Variants in ZNF254 observed in about 807,000 individuals in gnomAD.
The protein encoded by ZNF254 is CTD-2017D11.1.
In ZNF254, 10 loss-of-function variants were observed where a neutral mutation model predicts 12.4. That is an observed-to-expected ratio of 0.80 (90% CI 0.50 to 1.36). ZNF254 has a LOEUF of 1.36. Ranked by LOEUF, ZNF254 falls within the 40% of genes most tolerant of loss-of-function variation. ZNF254 has a pLI of 0.00. For missense variants in ZNF254, 996 were observed against 763.9 expected (o/e 1.30, Z -3.58); for synonymous variants, 305 against 253.4 (o/e 1.20, Z -1.93).
chr19:24,048,430 G>A (rs879543357), intron 2 of ZNF254, among the ~76,000 whole-genome samples: 5 of 152,222 alleles, frequency 3.3e-5, no homozygotes, highest in Admixed American at 6.5e-5. Flanking sequence ...TCGGCCACAA[G>A]CGTAGGACTT....
intron 2 of ZNF254, among the ~76,000 whole-genome samples, chr19:24,068,614 C>T (rs559921158): frequency 3.9e-5 from 6 of 152,238 alleles, no homozygotes; most frequent in South Asian, 4.1e-4. Flanking sequence ...CTGCAGCCAT[C>T]TTATAGGATT....
intron 1 of ZNF254, among the ~76,000 whole-genome samples, chr19:24,093,571 C>T (rs1972514771): frequency 6.6e-6 from 1 of 152,078 alleles, no homozygotes; most frequent in Admixed American, 6.6e-5. Context: ...TCTATTGTCA[C>T]CTTTGTTAAA....
At chr19:24,122,557 C>T (rs571032123) in intron 3 of ZNF254, among the ~76,000 whole-genome samples, 7 of 152,072 alleles carry the variant, frequency 4.6e-5, no homozygotes, top group South Asian at 4.2e-4. Flanking sequence ...ACTTTGCAAA[C>T]GCCAGTCTGT....
intron 1 of ZNF254, among the ~76,000 whole-genome samples, chr19:24,037,314 T>G (rs1040450480): frequency 6.6e-6 from 1 of 152,226 alleles, no homozygotes; most frequent in Non-Finnish European, 1.5e-5. Flanking sequence ...ATTATAGCCC[T>G]AGACCTGGCT....
chr19:24,086,756 C>T (rs770137488), upstream of ZNF254, among the ~76,000 whole-genome samples: 3 of 152,148 alleles, frequency 2.0e-5, no homozygotes, highest in Admixed American at 2.0e-4. Context: ...GGATTACAGG[C>T]GTGAGCCACC....
At chr19:24,038,716 C>T (rs1970052525) in intron 1 of ZNF254, among the ~76,000 whole-genome samples, 1 of 152,094 alleles carries the variant, frequency 6.6e-6, no homozygotes, top group African/African-American at 2.4e-5. Context: ...TGCACACTGC[C>T]CTCAAAGTCT....
intron 2 of ZNF254, among the ~76,000 whole-genome samples, chr19:24,063,053 A>G (rs62114829): frequency 0.15 from 22,566 of 152,112 alleles, 1,935 homozygotes; most frequent in Middle Eastern, 0.23. Context: ...CACTTACCTC[A>G]GCCTCCCAAA....
intron 2 of ZNF254, among the ~76,000 whole-genome samples, chr19:24,076,361 G>A (rs932056234): frequency 5.3e-5 from 8 of 152,132 alleles, no homozygotes; most frequent in Non-Finnish European, 1.0e-4. Context: ...CAGTCCCTCC[G>A]TTTGGGGTCC....
At chr19:24,038,498 A>T (rs1568420185) in intron 1 of ZNF254, among the ~76,000 whole-genome samples, 1 of 151,496 alleles carries the variant, frequency 6.6e-6, no homozygotes, top group Non-Finnish European at 1.5e-5. Context: ...TTCTGTAATA[A>T]TTTTTTTTTC....
At chr19:24,097,444 T>C (rs1972739581) in intron 1 of ZNF254, among the ~76,000 whole-genome samples, 1 of 152,084 alleles carries the variant, frequency 6.6e-6, no homozygotes, top group African/African-American at 2.4e-5. Context: ...TTATCCATGG[T>C]GATCGTTTGC....
chr19:24,119,385 T>C (rs1599755593), intron 3 of ZNF254, among the ~76,000 whole-genome samples: 1 of 151,646 alleles, frequency 6.6e-6, no homozygotes, highest in East Asian at 1.9e-4. Context: ...AGAGAAGGGG[T>C]TTCACCATAT....
intron 1 of ZNF254, among the ~76,000 whole-genome samples, chr19:24,035,968 C>T (rs560130463): frequency 6.6e-6 from 1 of 152,292 alleles, no homozygotes; most frequent in South Asian, 2.1e-4. Flanking sequence ...CATGAGTTTT[C>T]CTTGCCCTGT....
At chr19:24,070,732 T>G (rs1971450146) in intron 2 of ZNF254, among the ~76,000 whole-genome samples, 1 of 152,168 alleles carries the variant, frequency 6.6e-6, no homozygotes, top group South Asian at 2.1e-4. Flanking sequence ...GGAATTTGAC[T>G]CTCCTGCCTG....
At chr19:24,050,213 G>A (rs1208094404) in intron 2 of ZNF254, among the ~76,000 whole-genome samples, 1 of 151,966 alleles carries the variant, frequency 6.6e-6, no homozygotes, top group East Asian at 1.9e-4. Context: ...AGGATGGAGT[G>A]CAGTGGCGTG....
At chr19:24,123,616 G>A (rs1049209850) in intron 3 of ZNF254, among the ~76,000 whole-genome samples, 3 of 151,916 alleles carry the variant, frequency 2.0e-5, no homozygotes, top group African/African-American at 7.3e-5. Flanking sequence ...CTGCGTGCGT[G>A]CACAAACACA....
rs1383085198 is a variant in ZNF254, at chr19:24,101,618, A to G, written c.31-4322A>G. ...GATATTAGAGTATTCTTGCACTTCT[A>G]CATACCAAAAAGCTAGCTAATCAGG... is the stretch of plus-strand genomic sequence containing the variant. On this transcript the variant is annotated intron_variant, in intron 1 of 3. Transcript: ENST00000357002. Among the ~76,000 whole-genome samples the G allele has an allele frequency of 3.3e-5, 5 of 152,216 alleles. No homozygotes were observed. In the East Asian group the frequency reaches 5.8e-4, roughly 18 times the overall value.
chr19:24,107,217 A>G, intron 3 of ZNF254: 1 of 653,972 alleles, frequency 1.5e-6, no homozygotes, highest in South Asian at 1.7e-5. Flanking sequence ...CCATTTTAGG[A>G]TTGGATTTTT....
At chr19:24,044,847 A>C (rs974114310) in intron 1 of ZNF254, among the ~76,000 whole-genome samples, 2 of 151,776 alleles carry the variant, frequency 1.3e-5, no homozygotes, top group African/African-American at 4.9e-5. Context: ...AACTGTTGAC[A>C]TTCAGGGATG....
intron 2 of ZNF254, among the ~76,000 whole-genome samples, chr19:24,061,073 T>C (rs1971047818): frequency 1.3e-5 from 2 of 152,096 alleles, no homozygotes; most frequent in African/African-American, 4.8e-5. Flanking sequence ...TTGTGATGTA[T>C]CACTGGGGCT....
Sources: gnomAD v4.1 joint callset for allele counts (sites outside exome capture counted in the v4.1 genomes callset) on GRCh38, gnomAD v4.1.1 for gene constraint, MANE v1.5 for transcripts, NCBI Gene and HGNC (gene_info 2026-07-23, HGNC 2026-07-21) for gene names.